JAZF1: variants seen among roughly 807,000 people sequenced by gnomAD.
JAZF1 encodes juxtaposed with another zinc finger protein 1.
JAZF1 carries 8 observed loss-of-function variants against 26.4 expected under a neutral mutation model. That is an observed-to-expected ratio of 0.30 (90% CI 0.18 to 0.55). JAZF1 has a LOEUF of 0.55. JAZF1 is among the 20% of genes least tolerant of loss of function. The pLI, the probability that JAZF1 is intolerant of heterozygous loss-of-function variation, is 0.94. For synonymous variants in JAZF1, 126 were observed against 122.3 expected, an observed-to-expected ratio of 1.03 and a Z score of -0.20; for missense variants, 199 against 322.0, an observed-to-expected ratio of 0.62 and a Z score of 2.92.
At chr7:28,026,192 C>T (rs2128373887) in intron 1 of JAZF1, among the ~76,000 whole-genome samples, 1 of 152,228 alleles carries the variant, frequency 6.6e-6, no homozygotes, top group African/African-American at 2.4e-5. Context: ...CTAATAGCAA[C>T]AAGTGACTTC....
chr7:28,092,290 CAAAAAAA>C, intron 1 of JAZF1, among the ~76,000 whole-genome samples: 1 of 12,786 alleles, frequency 7.8e-5, no homozygotes, highest in Non-Finnish European at 1.9e-4. Context: ...GGACAAAAGG[CAAAAAAA>C]AAAAAAAAAA....
intron 1 of JAZF1, among the ~76,000 whole-genome samples, chr7:28,093,599 A>G (rs543459877): frequency 1.3e-5 from 2 of 152,282 alleles, no homozygotes; most frequent in South Asian, 4.1e-4. Flanking sequence ...TGTTCCTTTC[A>G]ATTTACTAAA....
At chr7:28,040,589 G>C (rs73683945) in intron 1 of JAZF1, among the ~76,000 whole-genome samples, 1 of 152,062 alleles carries the variant, frequency 6.6e-6, no homozygotes, top group Non-Finnish European at 1.5e-5. Flanking sequence ...CCAGACAGGT[G>C]TGAGGAGGAG....
At chr7:28,143,557 G>A (rs1782986465) in intron 1 of JAZF1, among the ~76,000 whole-genome samples, 1 of 152,162 alleles carries the variant, frequency 6.6e-6, no homozygotes, top group South Asian at 2.1e-4. Context: ...GGTTTAGAAG[G>A]CTCAGTATTC....
chr7:27,832,953 G>A lies in JAZF1; in HGVS notation c.579C>T (p.His193=), dbSNP rs148892911. Residue 193 remains histidine (H), a synonymous_variant, in exon 5 of 5, where the codon CAC becomes CAT. Transcript: ENST00000283928. The stretch of plus-strand genomic sequence containing the variant: ...TCTGTGTTCTGTGACCATTCTTAGC[G>A]TGATACTTTATGCCATTCACATTCT... ...RYKNVNGIKY[H]AKNGHRTQIR... The A allele has an allele frequency of 2.7e-4, 425 of 1,601,226 alleles. 2 individuals carry two copies. The East Asian group carries it at 8.0e-3, about 30-fold the overall frequency.
chr7:27,900,187 C>T (rs185790054), intron 2 of JAZF1, among the ~76,000 whole-genome samples: 1 of 152,246 alleles, frequency 6.6e-6, no homozygotes, highest in African/African-American at 2.4e-5. Context: ...TGGCAGCCGC[C>T]GTGTGCTGGA....
chr7:28,103,340 C>T (rs1367736063), intron 1 of JAZF1, among the ~76,000 whole-genome samples: 4 of 152,194 alleles, frequency 2.6e-5, no homozygotes, highest in Non-Finnish European at 5.9e-5. Context: ...ACTTAGGTGG[C>T]TGAGGTGGGA....
At chr7:27,837,274 A>C (rs1473522093) in intron 4 of JAZF1, among the ~76,000 whole-genome samples, 2 of 152,232 alleles carry the variant, frequency 1.3e-5, no homozygotes, top group Non-Finnish European at 2.9e-5. Flanking sequence ...TCTGCATTAT[A>C]AGGAAGGGAA....
intron 1 of JAZF1, among the ~76,000 whole-genome samples, chr7:28,063,254 C>T (rs1336539639): frequency 6.6e-6 from 1 of 152,140 alleles, no homozygotes; most frequent in Non-Finnish European, 1.5e-5. Flanking sequence ...TTTGCAGATC[C>T]TAATTACTTC....
chr7:27,963,736 T>C (rs1397454123), intron 2 of JAZF1, among the ~76,000 whole-genome samples: 1 of 151,904 alleles, frequency 6.6e-6, no homozygotes, highest in Admixed American at 6.6e-5. Flanking sequence ...TTGTTTTGTT[T>C]TGTTTTGTTT....
chr7:28,010,751 G>A lies in JAZF1; in HGVS notation c.116-18770C>T, dbSNP rs1782785827. ...GCAACTTGTTTCTTTCCTGTCCCTA[G>A]CATTTAGCACAAGGGCTGGTAAATA... On this transcript the variant is annotated intron_variant, in intron 1 of 4. Coordinates refer to ENST00000283928, the MANE Select transcript of JAZF1 (RefSeq NM_175061.4). Among the ~76,000 whole-genome samples the A allele has an allele frequency of 3.3e-5, 5 of 152,326 alleles. No individual in the cohort carries two copies. The South Asian group carries it at 1.0e-3, about 32-fold the overall frequency.
chr7:28,089,355 C>T (rs566505678), intron 1 of JAZF1, among the ~76,000 whole-genome samples: 2 of 152,250 alleles, frequency 1.3e-5, no homozygotes, highest in African/African-American at 4.8e-5. Context: ...CTTACCAGAC[C>T]CAATTATGCT....
At position 27,840,896 on chromosome 7, in the gene JAZF1, T is replaced by C; in HGVS notation, c.386-29A>G. On this transcript the variant is annotated intron_variant, in intron 3 of 4. Coordinates refer to ENST00000283928, the MANE Select transcript of JAZF1 (RefSeq NM_175061.4). This position sits in a 1 kb window ranked among gnomAD's most constrained non-coding sequence, Gnocchi z 5.1. ...CAGGACAAGAGAAGTGCAAGGACTG[T>C]CAGGAGCGCTCATCTCCCCACAGGT... 14 of 1,609,682 alleles carry C rather than the reference T, an allele frequency of 8.7e-6. No individual in the cohort carries two copies. Among genetic ancestry groups the C allele is most frequent in the Non-Finnish European group, 1.2e-5 (14 of 1,177,556 alleles).
chr7:27,972,109 CCA>C (rs1785383901), intron 2 of JAZF1, among the ~76,000 whole-genome samples: 1 of 152,058 alleles, frequency 6.6e-6, no homozygotes, highest in African/African-American at 2.4e-5. Flanking sequence ...CCCATGGAGC[CCA>C]GATTCCTTAG....
intron 3 of JAZF1, among the ~76,000 whole-genome samples, chr7:27,881,343 A>G (rs1387064525): frequency 2.0e-5 from 3 of 152,128 alleles, no homozygotes; most frequent in African/African-American, 7.2e-5. Flanking sequence ...AATATTAACC[A>G]TTTGTCAAGT....
intron 1 of JAZF1, among the ~76,000 whole-genome samples, chr7:28,078,745 A>C (rs1189869979): frequency 1.3e-5 from 2 of 152,198 alleles, no homozygotes; most frequent in Non-Finnish European, 2.9e-5. Flanking sequence ...AGTGGAAAAC[A>C]CTGGAAAAGA....
At chr7:27,881,982 T>C (rs911484554) in intron 3 of JAZF1, among the ~76,000 whole-genome samples, 1 of 152,184 alleles carries the variant, frequency 6.6e-6, no homozygotes, top group Admixed American at 6.5e-5. Flanking sequence ...AATTTTGAAA[T>C]AGGAATCTAT....
chr7:28,118,197 A>C (rs568299134), intron 1 of JAZF1: 1 of 152,268 alleles, frequency 6.6e-6, no homozygotes, highest in East Asian at 1.9e-4. Context: ...CTATTTTTGC[A>C]TATGTGCTGC....
chr7:27,979,910 A>G (rs1785548599), intron 2 of JAZF1, among the ~76,000 whole-genome samples: 1 of 152,166 alleles, frequency 6.6e-6, no homozygotes, highest in East Asian at 1.9e-4. Flanking sequence ...CATCTATCAT[A>G]TAGGAATTAC....
Sources: gnomAD v4.1 joint callset for allele counts (sites outside exome capture counted in the v4.1 genomes callset) on GRCh38, gnomAD v4.1.1 for gene constraint, Gnocchi (gnomAD v3.1) non-coding constraint, MANE v1.5 for transcripts, NCBI Gene and HGNC (gene_info 2026-07-23, HGNC 2026-07-21) for gene names.